Variants in SENP2 observed in about 807,000 individuals in gnomAD.
SENP2 encodes SUMO specific peptidase 2, also known as sentrin-specific protease 2.
In SENP2, 16 loss-of-function variants were observed where a neutral mutation model predicts 86.3. The ratio of observed to expected loss-of-function variants is 0.19; its 90% CI spans 0.13 to 0.28. The LOEUF (loss-of-function observed/expected upper bound fraction) is 0.28. Among genes scored for constraint, SENP2 ranks in the 10% least tolerant of loss-of-function variants. SENP2 has a pLI of 1.00. For synonymous variants in SENP2, 222 were observed against 238.7 expected, an observed-to-expected ratio of 0.93 and a Z score of 0.64; for missense variants, 552 against 703.0, an observed-to-expected ratio of 0.79 and a Z score of 2.43.
intron 2 of SENP2, among the ~76,000 whole-genome samples, chr3:185,590,717 T>A (rs1721952929): frequency 1.4e-5 from 2 of 146,224 alleles, no homozygotes; most frequent in South Asian, 4.4e-4. Context: ...CATTAAAAAA[T>A]TAGCCAAGTG....
At chr3:185,620,047 CTTTTTCTTTTTT>C (rs964238274) in intron 13 of SENP2, among the ~76,000 whole-genome samples, 9 of 149,780 alleles carry the variant, frequency 6.0e-5, no homozygotes, top group African/African-American at 2.2e-4. Context: ...TTTTCTTTTT[CTTTTTCTTTTTT>C]TTTTTTAAAT....
intron 14 of SENP2, among the ~76,000 whole-genome samples, chr3:185,622,276 C>G (rs996393723): frequency 2.0e-5 from 3 of 152,158 alleles, no homozygotes; most frequent in African/African-American, 7.2e-5. Flanking sequence ...GGGTTTATCT[C>G]AGAACCCAGG....
At position 185,633,469 on chromosome 3, in the gene SENP2, A is replaced by AAT. The variant is rs1180842916; in HGVS notation, c.*3633_*3634dup. 1.3e-5 allele frequency: 2 copies of AAT among 152,128 alleles called. No homozygotes were observed. Among genetic ancestry groups the AAT allele is most frequent in the South Asian group, 2.1e-4 (1 of 4,832 alleles). 9.4% of individuals were successfully genotyped at this position (152,128 alleles called of 1,614,324 possible). On this transcript the variant is annotated 3_prime_UTR_variant, in exon 17 of 17. Transcript: ENST00000296257. ...ATAATTTTTTTCTTTTAATTTACCTAATATATATAAGGAAGGGGTTTGGAT... is the reference window on the plus strand; with the variant it reads ...ATAATTTTTTTCTTTTAATTTACCTAATATATATATAAGGAAGGGGTTTGGAT...
chr3:185,629,709 G>A, intron 16 of SENP2, 73 bp from the exon 17 acceptor site: 2 of 1,421,068 alleles, frequency 1.4e-6, no homozygotes, highest in Non-Finnish European at 2.0e-6. Flanking sequence ...TTTATTACAT[G>A]ATTACACCTG....
At chr3:185,589,342 T>C (rs1408608414) in intron 1 of SENP2, among the ~76,000 whole-genome samples, 1 of 152,214 alleles carries the variant, frequency 6.6e-6, no homozygotes. Context: ...AAAAAAGAAT[T>C]GTCTTTTAAG....
chr3:185,623,351 G>C (rs908327537), intron 14 of SENP2, among the ~76,000 whole-genome samples: 5 of 151,432 alleles, frequency 3.3e-5, no homozygotes, highest in Admixed American at 6.6e-5. Context: ...TTTTGGTCAG[G>C]CTGGTCGCAA....
chr3:185,617,551 A>G lies in SENP2; in HGVS notation c.1182A>G (p.Lys394=). 6.2e-7 allele frequency: 1 copy of G among 1,613,890 alleles called. No individual in the cohort carries two copies. ...ATGAAATCCTAAGTAGTGCTTTCAA[A>G]TTGCGAATTACTCGAGGAGATATTC... ...PQDEILSSAF[K]LRITRGDIQT... The change falls in exon 12 of 17, where the codon AAA becomes AAG. Residue 394 remains lysine (K), a synonymous_variant. Transcript: ENST00000296257.
At position 185,619,490 on chromosome 3, in the gene SENP2, T is replaced by C. The variant is rs1715740283; in HGVS notation, c.1434T>C (p.His478=). ...IILVPIHRKV[H]WSLVVIDLRK... Reference sequence around the variant, plus strand: ...TGGTGCCTATTCATCGGAAGGTACATTGGAGCCTGGTGGTGAGTAGAGAGG... The same window carrying C: ...TGGTGCCTATTCATCGGAAGGTACACTGGAGCCTGGTGGTGAGTAGAGAGG... The change falls in exon 13 of 17, where the codon CAT becomes CAC. Residue 478 remains histidine, a synonymous_variant. Coordinates refer to ENST00000296257, the MANE Select transcript of SENP2 (RefSeq NM_021627.3). 5.0e-6 allele frequency: 8 copies of C among 1,613,998 alleles called. No individual in the cohort carries two copies. The highest frequency in any genetic ancestry group is 1.7e-4 in the Middle Eastern group (1 of 6,058).
intron 1 of SENP2, among the ~76,000 whole-genome samples, chr3:185,589,146 C>T (rs1721897854): frequency 1.3e-5 from 2 of 151,472 alleles, no homozygotes; most frequent in Non-Finnish European, 2.9e-5. Context: ...TATACTATGA[C>T]CCTTTAGCAT....
At chr3:185,600,490 A>C (rs1401286137) in intron 4 of SENP2, among the ~76,000 whole-genome samples, 1 of 152,208 alleles carries the variant, frequency 6.6e-6, no homozygotes, top group Non-Finnish European at 1.5e-5. Flanking sequence ...TGAGTTCTTC[A>C]TGGCCTCTTA....
At chr3:185,587,735 T>A (rs1721839639) in intron 1 of SENP2, among the ~76,000 whole-genome samples, 1 of 130,178 alleles carries the variant, frequency 7.7e-6, no homozygotes, top group African/African-American at 3.0e-5. Flanking sequence ...CCCGGCTATT[T>A]TTTTTTTTTT....
Position 185,593,765 on chromosome 3 carries a change from G to A in SENP2, c.157+3596G>A, listed in dbSNP as rs1304226289. 3.0e-5 allele frequency among the ~76,000 whole-genome samples: 4 copies of A among 132,258 alleles called. 1 individual carries two copies. The highest frequency in any genetic ancestry group is 2.3e-4 in the South Asian group (1 of 4,358). The allele number at this position is 132,258 out of a possible 152,430, so 86.8% of individuals were successfully genotyped here. A position where few individuals can be genotyped will look rare whatever the true frequency, so the allele number is the denominator to read the frequency against. ...TTTTTTGAGACGGAGTTTCTTTCTC[G>A]TTGCCCAAGCTGCAGTGCAATGGTG... On this transcript the variant is annotated intron_variant, in intron 2 of 16. Transcript: ENST00000296257.
rs1177230321 is a variant in SENP2, at chr3:185,630,282, A to G, written c.*438A>G. 6.4e-6 allele frequency: 1 copy of G among 156,916 alleles called. No homozygotes were observed. Among genetic ancestry groups the G allele is most frequent in the African/African-American group, 2.4e-5 (1 of 41,666 alleles). The allele number at this position is 156,916 out of a possible 1,614,324, so 9.7% of individuals were successfully genotyped here. A position where few individuals can be genotyped will look rare whatever the true frequency, so the allele number is the denominator to read the frequency against. On this transcript the variant is annotated 3_prime_UTR_variant, in exon 17 of 17. Transcript: ENST00000296257. ...TAGCTCTAAATTACTTGTTTGAACT[A>G]TTTATTTCTGAAAGGAATGTTACTC...
At chr3:185,621,727 G>A in intron 13 of SENP2, 99 bp from the exon 14 acceptor site, 2 of 675,176 alleles carry the variant, frequency 3.0e-6, no homozygotes, top group Non-Finnish European at 2.5e-6. Flanking sequence ...ATTTATATTG[G>A]TACATGTATT....
At chr3:185,604,680 C>G (rs1722452895) in intron 5 of SENP2, among the ~76,000 whole-genome samples, 1 of 152,158 alleles carries the variant, frequency 6.6e-6, no homozygotes, top group African/African-American at 2.4e-5. Context: ...CTCATATATA[C>G]ATATTGTTTT....
At chr3:185,602,832 TAAAAAAAAAAAAAA>T (rs1156317272) in intron 5 of SENP2, among the ~76,000 whole-genome samples, 1 of 63,042 alleles carries the variant, frequency 1.6e-5, no homozygotes, top group African/African-American at 6.8e-5. Context: ...GACTCTGTCT[TAAAAAAAAAAAAAA>T]AAAAAAAAAA....
chr3:185,615,700 C>A (rs1360673557), intron 11 of SENP2, among the ~76,000 whole-genome samples: 1 of 152,146 alleles, frequency 6.6e-6, no homozygotes, highest in Admixed American at 6.6e-5. Flanking sequence ...TTAAATAATG[C>A]ATTTATCTGC....
intron 13 of SENP2, 35 bp from the exon 14 acceptor site, chr3:185,621,791 A>T: frequency 7.9e-7 from 1 of 1,270,016 alleles, no homozygotes; most frequent in Non-Finnish European, 1.1e-6. Flanking sequence ...TCTTACATTT[A>T]AGATGTTTCT....
chr3:185,617,724 T>C (rs1380489728), intron 12 of SENP2, 113 bp downstream of exon 12: 1 of 829,316 alleles, frequency 1.2e-6, no homozygotes, highest in Non-Finnish European at 1.8e-6. Context: ...CTCTTAGTTA[T>C]AATTAAAACA....
Sources: gnomAD v4.1 joint callset for allele counts (sites outside exome capture counted in the v4.1 genomes callset) on GRCh38, gnomAD v4.1.1 for gene constraint, MANE v1.5 for transcripts, NCBI Gene and HGNC (gene_info 2026-07-23, HGNC 2026-07-21) for gene names.